Variants in ITGA7 observed in about 807,000 individuals in gnomAD.
The protein encoded by ITGA7 is integrin alpha-7.
ITGA7 carries 84 observed loss-of-function variants against 131.6 expected under a neutral mutation model. That is an observed-to-expected ratio of 0.64 (90% CI 0.54 to 0.77). The LOEUF (loss-of-function observed/expected upper bound fraction) is 0.77, where lower values mean the gene tolerates loss of function less well. Ranked by LOEUF, ITGA7 falls within the 30% of genes least tolerant of loss-of-function variation. The pLI is 0.00. For missense variants in ITGA7, 1,399 were observed against 1,482.9 expected (o/e 0.94, Z 0.93); for synonymous variants, 548 against 600.7 (o/e 0.91, Z 1.28).
intron 21 of ITGA7, among the ~76,000 whole-genome samples, chr12:55,690,785 T>C (rs1225151535): frequency 2.0e-5 from 3 of 150,758 alleles, no homozygotes; most frequent in Non-Finnish European, 3.0e-5. Flanking sequence ...TGGAATACTA[T>C]GCAGCCATAA....
chr12:55,707,668 C>A lies in ITGA7; in HGVS notation c.15G>T (p.Arg5=), dbSNP rs976156109. Residue 5 remains arginine (R), a synonymous_variant, in exon 1 of 25, where the codon CGG becomes CGT. Coordinates refer to ENST00000257879, the MANE Select transcript of ITGA7 (RefSeq NM_002206.3). Reference sequence around the variant, plus strand: ...CGGAGGCCCCCCAAGGGTCGCGGCTCCGAGCCCCGGCCATGGGACGATCCC... The same window carrying A: ...CGGAGGCCCCCCAAGGGTCGCGGCTACGAGCCCCGGCCATGGGACGATCCC... MAGA[R]SRDPWGASGI... 9.5e-6 allele frequency: 15 copies of A among 1,579,044 alleles called. No homozygotes were observed. The highest frequency in any genetic ancestry group is 1.3e-5 in the Non-Finnish European group (15 of 1,162,398).
chr12:55,694,121 A>G lies in ITGA7; in HGVS notation c.2435T>C (p.Met812Thr). The change falls in exon 19 of 25, where the codon ATG (methionine) becomes ACG (threonine). Residue 812 changes from methionine to threonine, a missense_variant and splice_region_variant. Transcript: ENST00000257879. This position sits in a 1 kb window ranked among gnomAD's most constrained non-coding sequence, Gnocchi z 5.3. ...GAAGAAGAGTTGCTGGGGAATGGCCATTCTGGCGTGGAGAGGTCAGAACAG... is the reference window on the plus strand; with the variant it reads ...GAAGAAGAGTTGCTGGGGAATGGCCGTTCTGGCGTGGAGAGGTCAGAACAG... ...FIELPLSIAG[M>T]AIPQQLFFSG... 6.2e-7 allele frequency: 1 copy of G among 1,614,170 alleles called. No homozygotes were observed. Among genetic ancestry groups the G allele is most frequent in the Non-Finnish European group, 8.5e-7 (1 of 1,179,984 alleles).
chr12:55,716,132 G>A (rs1301736593), upstream of ITGA7: 2 of 1,611,240 alleles, frequency 1.2e-6, no homozygotes, highest in African/African-American at 1.3e-5. Context: ...AGCCCGACGT[G>A]ACCATGCTGT....
chr12:55,697,217 C>A lies in ITGA7; in HGVS notation c.1566G>T (p.Val522=). ...CCACAGAGGGGGGACCGCACTCACC[C>A]ACAGTAGGGCTATAGCTGCTGGGGA... ...IAVPSSYSPT[V]ALDYVLDADT... Residue 522 remains valine, a splice_region_variant and synonymous_variant, in exon 11 of 25, where the codon GTG becomes GTT. Coordinates refer to ENST00000257879, the MANE Select transcript of ITGA7 (RefSeq NM_002206.3). The A allele has an allele frequency of 6.3e-7, 1 of 1,596,764 alleles. No individual in the cohort carries two copies. Among genetic ancestry groups the A allele is most frequent in the Non-Finnish European group, 8.5e-7 (1 of 1,171,788 alleles).
upstream of ITGA7, among the ~76,000 whole-genome samples, chr12:55,713,375 G>C (rs182709512): frequency 3.9e-5 from 6 of 152,314 alleles, no homozygotes; most frequent in Admixed American, 1.3e-4. Flanking sequence ...TAGAGACAGA[G>C]AGATTCCCAG....
chr12:55,716,247 C>T (rs1876515571), upstream of ITGA7: 7 of 1,561,776 alleles, frequency 4.5e-6, no homozygotes, highest in East Asian at 1.5e-4. Context: ...GGCCTAGCTT[C>T]AGCCCGGAGC....
chr12:55,716,011 A>C (rs1256953910), upstream of ITGA7: 2 of 1,516,482 alleles, frequency 1.3e-6, no homozygotes, highest in South Asian at 2.4e-5. Flanking sequence ...AGGTCTCAAG[A>C]GGGCGGTTCC....
Position 55,692,984 on chromosome 12 carries a change from G to A in ITGA7, c.2713-9C>T, listed in dbSNP as rs201569851. 1.9e-5 allele frequency: 30 copies of A among 1,613,946 alleles called. No homozygotes were observed. The highest frequency in any genetic ancestry group is 6.7e-5 in the East Asian group (3 of 44,886). ...TCCCTACTGTCCACATCCTGGACAC[G>A]GAAGGGGGGTCTTAGTGAGTGTCCC... On this transcript the variant is annotated splice_polypyrimidine_tract_variant and intron_variant, in intron 20 of 24. Transcript: ENST00000257879.
At chr12:55,693,482 G>A (rs988103045) in intron 19 of ITGA7, among the ~76,000 whole-genome samples, 165 bp from the exon 20 acceptor site, 6 of 151,666 alleles carry the variant, frequency 4.0e-5, no homozygotes. Flanking sequence ...TTACAGGCAT[G>A]AGCCACCGTG....
At chr12:55,690,834 A>T (rs1871272033) in intron 21 of ITGA7, among the ~76,000 whole-genome samples, 1 of 152,170 alleles carries the variant, frequency 6.6e-6, no homozygotes, top group Admixed American at 6.5e-5. Flanking sequence ...GACATGGATG[A>T]AATTGGAAAT....
chr12:55,710,055 G>A (rs549248304), upstream of ITGA7, among the ~76,000 whole-genome samples: 1 of 152,318 alleles, frequency 6.6e-6, no homozygotes, highest in East Asian at 1.9e-4. Flanking sequence ...CGTAGGTGAA[G>A]AGGGAAATTA....
At chr12:55,685,893 G>T (rs1869998911) in intron 24 of ITGA7, among the ~76,000 whole-genome samples, 2 of 152,172 alleles carry the variant, frequency 1.3e-5, no homozygotes, top group Non-Finnish European at 2.9e-5. Context: ...TGCTCAGACT[G>T]CATGGCATCT....
chr12:55,709,925 T>C (rs564938649), upstream of ITGA7, among the ~76,000 whole-genome samples: 5 of 152,002 alleles, frequency 3.3e-5, no homozygotes, highest in Non-Finnish European at 1.5e-5. Flanking sequence ...TGGCTATAAA[T>C]AGAGGGGCAA....
At chr12:55,716,107 G>C, upstream of ITGA7, 1 of 1,603,298 alleles carries the variant, frequency 6.2e-7, no homozygotes, top group Non-Finnish European at 8.5e-7. Context: ...AGGGGGCCCG[G>C]CGTACCCAGC....
rs149656415 is a variant in ITGA7, at chr12:55,700,599, G to A, written c.670+300C>T. ...AGCTCAGCCAGCAGCAGCGTGCGGA[G>A]ACGGGAATGGCAGTGATGAGGTGTG... On this transcript the variant is annotated intron_variant, in intron 4 of 24. Transcript: ENST00000257879. 1,592 of 650,132 alleles carry A rather than the reference G, an allele frequency of 2.4e-3. 10 individuals carry two copies. The highest frequency in any genetic ancestry group is 0.019 in the Middle Eastern group (46 of 2,374). The allele number at this position is 650,132 out of a possible 1,614,324, so 40.3% of individuals were successfully genotyped here.
In ITGA7 at chr12:55,694,201, G is replaced by A; in HGVS notation, c.2432+55C>T. The A allele has an allele frequency of 1.9e-6, 3 of 1,612,456 alleles. No homozygotes were observed. Among genetic ancestry groups the A allele is most frequent in the Non-Finnish European group, 1.7e-6 (2 of 1,178,506 alleles). Reference sequence around the variant, plus strand: ...GAAGGCAGGGCCCTGGCCAAGGTTTGGAAATGTCAATGCCCCCTCCCTCCA... The same window carrying A: ...GAAGGCAGGGCCCTGGCCAAGGTTTAGAAATGTCAATGCCCCCTCCCTCCA... On this transcript the variant is annotated intron_variant, in intron 18 of 24. Coordinates refer to ENST00000257879, the MANE Select transcript of ITGA7 (RefSeq NM_002206.3). This position sits in a 1 kb window ranked among gnomAD's most constrained non-coding sequence, Gnocchi z 5.3.
Position 55,707,698 on chromosome 12 carries a change from C to G in ITGA7, c.-16G>C. The G allele has an allele frequency of 6.4e-7, 1 of 1,559,790 alleles. No homozygotes were observed. The highest frequency in any genetic ancestry group is 1.9e-5 in the Admixed American group (1 of 51,858). ...CCCCGGCCATGGGACGATCCCTGCG[C>G]GAGCTCCCAGCGAATGCAAGGGAAA... On this transcript the variant is annotated 5_prime_UTR_variant, in exon 1 of 25. Coordinates refer to ENST00000257879, the MANE Select transcript of ITGA7 (RefSeq NM_002206.3).
At chr12:55,700,507 CCCCACCCTGTCCCCAA>C in intron 4 of ITGA7, 1 of 1,303,542 alleles carries the variant, frequency 7.7e-7, no homozygotes, top group South Asian at 1.3e-5. Context: ...CTAGCCCTCT[CCCCACCCTGTCCCCAA>C]CCCAGGCTTC....
At position 55,695,710 on chromosome 12, in the gene ITGA7, G is replaced by C. The variant is rs1872501296; in HGVS notation, c.1888-73C>G. ...GGGCAAACCTGTCACCATGGCATAT[G>C]GTGGGTTAGAGTATCACAGGATTAA... On this transcript the variant is annotated intron_variant, in intron 13 of 24. Coordinates refer to ENST00000257879, the MANE Select transcript of ITGA7 (RefSeq NM_002206.3). 1.9e-5 allele frequency: 19 copies of C among 1,004,334 alleles called. No individual in the cohort carries two copies. In the South Asian group the frequency reaches 2.3e-4, roughly 12 times the overall value. 62.2% of individuals were successfully genotyped at this position (1,004,334 alleles called of 1,614,324 possible). A position where few individuals can be genotyped will look rare whatever the true frequency, so the allele number is the denominator to read the frequency against.
Sources: gnomAD v4.1 joint callset for allele counts (sites outside exome capture counted in the v4.1 genomes callset) on GRCh38, gnomAD v4.1.1 for gene constraint, Gnocchi (gnomAD v3.1) non-coding constraint, MANE v1.5 for transcripts, NCBI Gene and HGNC (gene_info 2026-07-23, HGNC 2026-07-21) for gene names.